KCNG3: variants seen among roughly 807,000 people sequenced by gnomAD.
The protein encoded by KCNG3 is potassium voltage-gated channel modifier subfamily G member 3.
A neutral mutation model predicts 29.0 loss-of-function variants in KCNG3; 15 were observed. The observed-to-expected ratio is 0.52, with a 90% CI of 0.35 to 0.80. The LOEUF (loss-of-function observed/expected upper bound fraction) is 0.80, where lower values mean the gene tolerates loss of function less well. Among genes scored for constraint, KCNG3 ranks in the 30% least tolerant of loss-of-function variants. The pLI, the probability that KCNG3 is intolerant of heterozygous loss-of-function variation, is 0.01. For missense variants in KCNG3, 512 were observed against 605.7 expected, an observed-to-expected ratio of 0.85 and a Z score of 1.62; for synonymous variants, 322 against 248.9, an observed-to-expected ratio of 1.29 and a Z score of -2.76.
At chr2:42,474,320 G>A (rs1673367777) in intron 1 of KCNG3, among the ~76,000 whole-genome samples, 1 of 151,924 alleles carries the variant, frequency 6.6e-6, no homozygotes, top group South Asian at 2.1e-4. Flanking sequence ...CTGAGTTCAG[G>A]AGTTCGAGAC....
intron 1 of KCNG3, among the ~76,000 whole-genome samples, chr2:42,487,107 A>T (rs1673744287): frequency 6.8e-6 from 1 of 147,960 alleles, no homozygotes; most frequent in Admixed American, 6.9e-5. Context: ...CAGTGAGCTG[A>T]GATCGTGCCA....
the KCNG3 span, chr2:42,415,443 C>T: frequency 6.6e-6 from 1 of 152,144 alleles, no homozygotes; most frequent in African/African-American, 2.4e-5. Context: ...GAGTCTCATG[C>T]TTCCATGATT....
intron 1 of KCNG3, among the ~76,000 whole-genome samples, chr2:42,478,633 C>T (rs1673501591): frequency 6.6e-6 from 1 of 152,070 alleles, no homozygotes; most frequent in African/African-American, 2.4e-5. Context: ...AATGACATAA[C>T]CTCAGAAGCC....
At chr2:42,478,226 T>C (rs557902816) in intron 1 of KCNG3, among the ~76,000 whole-genome samples, 1 of 152,250 alleles carries the variant, frequency 6.6e-6, no homozygotes, top group East Asian at 1.9e-4. Flanking sequence ...ATATTTATCA[T>C]ATTATATATT....
chr2:42,453,202 G>A (rs1672804525), intron 1 of KCNG3, among the ~76,000 whole-genome samples: 1 of 152,168 alleles, frequency 6.6e-6, no homozygotes, highest in South Asian at 2.1e-4. Context: ...TTTCTGTTGG[G>A]TATACACCCA....
In KCNG3 at chr2:42,493,614, C is replaced by A; in HGVS notation, c.-113G>T. ...TGACGGGGGAGCGCGCCGTCGGGGC[C>A]CGCGCTCCCTCGGGGCTCCGCTCCT... is the stretch of plus-strand genomic sequence containing the variant. On this transcript the variant is annotated 5_prime_UTR_variant, in exon 1 of 2. Coordinates refer to ENST00000306078, the MANE Select transcript of KCNG3 (RefSeq NM_133329.6). 1.0e-6 allele frequency: 1 copy of A among 963,436 alleles called. No individual in the cohort carries two copies. Among genetic ancestry groups the A allele is most frequent in the Non-Finnish European group, 1.3e-6 (1 of 746,306 alleles). The allele number at this position is 963,436 out of a possible 1,614,324, so 59.7% of individuals were successfully genotyped here.
chr2:42,391,038 A>G, the KCNG3 span, among the ~76,000 whole-genome samples: 1 of 152,170 alleles, frequency 6.6e-6, no homozygotes, highest in Non-Finnish European at 1.5e-5. Flanking sequence ...GGGAATCTTC[A>G]GGAAGGACTC....
the KCNG3 span, among the ~76,000 whole-genome samples, chr2:42,412,203 C>T: frequency 6.6e-6 from 1 of 152,178 alleles, no homozygotes; most frequent in South Asian, 2.1e-4. Context: ...ATCATTACTC[C>T]CACGACAGTC....
chr2:42,461,389 A>C (rs1431445328), intron 1 of KCNG3, among the ~76,000 whole-genome samples: 3 of 151,992 alleles, frequency 2.0e-5, no homozygotes, highest in Admixed American at 2.0e-4. Context: ...TGAGAGTCAG[A>C]AACTCTCAAG....
At chr2:42,426,681 A>G in the KCNG3 span, among the ~76,000 whole-genome samples, 5 of 152,258 alleles carry the variant, frequency 3.3e-5, no homozygotes, top group African/African-American at 1.2e-4. Flanking sequence ...CACATGTTGA[A>G]AATACTTTTT....
chr2:42,461,182 C>CAAAAA (rs34199989), intron 1 of KCNG3, among the ~76,000 whole-genome samples: 96 of 56,342 alleles, frequency 1.7e-3, no homozygotes, highest in African/African-American at 2.5e-3. Context: ...CAAAACAAAA[C>CAAAAA]AAAAAAAAAA....
At chr2:42,409,331 C>T in the KCNG3 span, among the ~76,000 whole-genome samples, 1 of 152,136 alleles carries the variant, frequency 6.6e-6, no homozygotes, top group Non-Finnish European at 1.5e-5. Flanking sequence ...GCTGGAAATA[C>T]AGGCATGAGC....
chr2:42,452,180 T>C (rs1672771154), intron 1 of KCNG3, among the ~76,000 whole-genome samples: 1 of 146,856 alleles, frequency 6.8e-6, no homozygotes, highest in South Asian at 2.1e-4. Context: ...GATACAGGCA[T>C]GCAATGCATA....
chr2:42,418,336 A>G, the KCNG3 span, among the ~76,000 whole-genome samples: 1 of 152,150 alleles, frequency 6.6e-6, no homozygotes, highest in Non-Finnish European at 1.5e-5. Context: ...TTGTTTATCC[A>G]TTCATCTGTT....
the KCNG3 span, among the ~76,000 whole-genome samples, chr2:42,427,848 G>T: frequency 1.3e-5 from 2 of 152,086 alleles, no homozygotes; most frequent in Non-Finnish European, 1.5e-5. Flanking sequence ...TTTATCTTTG[G>T]AGATTTCAAG....
chr2:42,478,262 G>T (rs1673491343), intron 1 of KCNG3, among the ~76,000 whole-genome samples: 1 of 152,076 alleles, frequency 6.6e-6, no homozygotes, highest in East Asian at 1.9e-4. Flanking sequence ...TTGAGATAGG[G>T]TCTCACTATG....
At chr2:42,479,654 A>G (rs1038770757) in intron 1 of KCNG3, among the ~76,000 whole-genome samples, 30 of 151,762 alleles carry the variant, frequency 2.0e-4, no homozygotes, top group Non-Finnish European at 3.8e-4. Flanking sequence ...TCAAAAAAAA[A>G]AAAAAAGAAA....
At chr2:42,436,804 T>C in the KCNG3 span, among the ~76,000 whole-genome samples, 15 of 152,240 alleles carry the variant, frequency 9.9e-5, no homozygotes, top group Non-Finnish European at 1.3e-4. Flanking sequence ...AGGTCAAACA[T>C]TGTAATTCCT....
chr2:42,476,620 G>A (rs1673433601), intron 1 of KCNG3, among the ~76,000 whole-genome samples: 1 of 151,784 alleles, frequency 6.6e-6, no homozygotes, highest in Non-Finnish European at 1.5e-5. Flanking sequence ...CCAAGTAGCT[G>A]GGGTTATAGG....
Sources: allele counts gnomAD v4.1 joint callset (sites outside exome capture counted in the v4.1 genomes callset), GRCh38; gene constraint gnomAD v4.1.1; transcripts MANE v1.5; gene names NCBI Gene and HGNC (gene_info 2026-07-23, HGNC 2026-07-21).